PLEKHG4: variants seen among roughly 807,000 people sequenced by gnomAD.
PLEKHG4 encodes the protein pleckstrin homology and RhoGEF domain containing G4.
In PLEKHG4, 85 loss-of-function variants were observed where a neutral mutation model predicts 136.9. The observed-to-expected ratio is 0.62, with a 90% CI of 0.52 to 0.74. PLEKHG4 has a LOEUF of 0.74. PLEKHG4 is among the 30% of genes least tolerant of loss of function. The pLI is 0.00. For missense variants in PLEKHG4, 1,317 were observed against 1,527.8 expected (o/e 0.86, Z 2.30); for synonymous variants, 577 against 646.9 (o/e 0.89, Z 1.64).
At chr16:67,279,040 C>T (rs956717473), upstream of PLEKHG4, 5 of 152,408 alleles carry the variant, frequency 3.3e-5, no homozygotes, top group Admixed American at 2.0e-4. Flanking sequence ...CGAGGCAGCA[C>T]CCCGCTTCCC....
At position 67,284,485 on chromosome 16, in the gene PLEKHG4, T is replaced by C. The variant is rs756394958; in HGVS notation, c.1692+28T>C. ...GGGTGAGAGTCTCCCCAGCTCCAAG[T>C]GATCCATGAGGCCGGAGGGATGGCA... On this transcript the variant is annotated intron_variant, in intron 12 of 21. Coordinates refer to ENST00000379344, the MANE Select transcript of PLEKHG4 (RefSeq NM_001129729.3). This position sits in a 1 kb window ranked among gnomAD's most constrained non-coding sequence, Gnocchi z 4.4. The C allele has an allele frequency of 6.2e-6, 10 of 1,610,540 alleles. No homozygotes were observed. The highest frequency in any genetic ancestry group is 8.5e-6 in the Non-Finnish European group (10 of 1,177,304).
At position 67,288,264 on chromosome 16, in the gene PLEKHG4, C is replaced by G; in HGVS notation, c.3318C>G (p.Cys1106Trp). The G allele has an allele frequency of 1.2e-6, 2 of 1,613,690 alleles. No individual in the cohort carries two copies. Among genetic ancestry groups the G allele is most frequent in the South Asian group, 2.2e-5 (2 of 91,080 alleles). The change falls in exon 20 of 22, where the codon TGC (cysteine) becomes TGG (tryptophan). Residue 1106 changes from cysteine to tryptophan, a missense_variant. Physicochemically the swap from Cys to Trp is radical, Grantham distance 215 (BLOSUM62 -2). Transcript: ENST00000379344. ...SNSLPGDPAS[C>W]SVLGSLNLHL... ...CCCTTCCTGGAGACCCTGCCTCTTG[C>G]TCTGTTCTGGGGTCCCTCAACCTGC...
At position 67,286,620 on chromosome 16, in the gene PLEKHG4, G is replaced by A. The variant is rs745978157; in HGVS notation, c.2708G>A (p.Arg903Gln). The change falls in exon 16 of 22, where the codon CGG (arginine) becomes CAG (glutamine). Residue 903 changes from arginine to glutamine, a missense_variant. Physicochemically the swap from Arg to Gln is conservative, Grantham distance 43 (BLOSUM62 1). Coordinates refer to ENST00000379344, the MANE Select transcript of PLEKHG4 (RefSeq NM_001129729.3). ...EAQSLVHFQL[R>Q]HGNDLLAMDA... ...CAGAGCCTTGTGCACTTCCAGCTGC[G>A]GCACGGAAACGACCTGCTGGCCATG... 1.8e-5 allele frequency: 28 copies of A among 1,563,376 alleles called. No individual in the cohort carries two copies. In the South Asian group the frequency reaches 2.2e-4, roughly 12 times the overall value.
chr16:67,280,532 T>C lies in PLEKHG4; in HGVS notation c.488T>C (p.Leu163Pro), dbSNP rs1173594838. The C allele has an allele frequency of 3.1e-6, 5 of 1,612,686 alleles. No individual in the cohort carries two copies. Among genetic ancestry groups the C allele is most frequent in the Non-Finnish European group, 4.2e-6 (5 of 1,179,734 alleles). The change falls in exon 2 of 22, where the codon CTG (leucine) becomes CCG (proline). Residue 163 changes from leucine (L) to proline (P), a missense_variant. Transcript: ENST00000379344. This position sits in a 1 kb window ranked among gnomAD's most constrained non-coding sequence, Gnocchi z 4.4. ...GACCCTTTATCAGAAATATCAAAGC[T>C]GCTGGAGGCAGGTAAGGAAGGCTGG... Reference protein sequence around the residue: ...LGDPLSEISKLLEAAPSGSGL... With the variant: ...LGDPLSEISKPLEAAPSGSGL...
In PLEKHG4 at chr16:67,282,527, G is replaced by A. The variant is rs776384893; in HGVS notation, c.1278G>A (p.Glu426=). 6.2e-7 allele frequency: 1 copy of A among 1,614,144 alleles called. No homozygotes were observed. The highest frequency in any genetic ancestry group is 1.1e-5 in the South Asian group (1 of 91,090). Residue 426 remains glutamate, a synonymous_variant, in exon 10 of 22, where the codon GAG becomes GAA. Transcript: ENST00000379344. ...GGACGGCAATGGACAAGGCTGACGA[G>A]CTATATGACCGGGTGGATGGATTGC... The part of the protein sequence containing the change: ...DYRTAMDKAD[E]LYDRVDGLLH...
rs1219642008 is a variant in PLEKHG4 at position 67,280,493 on chromosome 16, C to CT, written c.450dup (p.Val151CysfsTer25). ...AGCCCTGGGGCATTGGACAGCGACCCTGTGGGCCTTGGAGACCCTTTATCA... is the reference window on the plus strand; with the variant it reads ...AGCCCTGGGGCATTGGACAGCGACCCTTGTGGGCCTTGGAGACCCTTTATCA... On this transcript the variant is annotated frameshift_variant, in exon 2 of 22. Coordinates refer to ENST00000379344, the MANE Select transcript of PLEKHG4 (RefSeq NM_001129729.3). LOFTEE classifies it high-confidence loss of function. The surrounding 1 kb of genome is among the most constrained non-coding windows in gnomAD (Gnocchi z 4.4). 1 of 1,608,488 alleles carries CT rather than the reference C, an allele frequency of 6.2e-7. No individual in the cohort carries two copies. The highest frequency in any genetic ancestry group is 1.1e-5 in the South Asian group (1 of 90,040).
chr16:67,286,522 C>T lies in PLEKHG4; in HGVS notation c.2610C>T (p.Tyr870=), dbSNP rs147947597. The part of the protein sequence containing the change: ...LLKPIQRMGK[Y]ALLLQELARA... ...AGCCCATCCAGCGCATGGGCAAGTA[C>T]GCACTGCTGCTGCAGGAGCTGGCAC... Residue 870 remains tyrosine, a synonymous_variant, in exon 16 of 22, where the codon TAC becomes TAT. Coordinates refer to ENST00000379344, the MANE Select transcript of PLEKHG4 (RefSeq NM_001129729.3). The T allele has an allele frequency of 5.7e-5, 90 of 1,586,638 alleles. 1 individual carries two copies. Among genetic ancestry groups the T allele is most frequent in the Middle Eastern group, 1.7e-4 (1 of 6,054 alleles).
chr16:67,287,067 G>A lies in PLEKHG4; in HGVS notation c.2993G>A (p.Arg998His), dbSNP rs756016586. ...CTGCGCTTCGAGATCTGGTTCCGCCGCCGCAAGGCCAGGGACACCTTTGTG... is the reference window on the plus strand; with the variant it reads ...CTGCGCTTCGAGATCTGGTTCCGCCACCGCAAGGCCAGGGACACCTTTGTG... ...SNLRFEIWFR[R>H]RKARDTFVLQ... Residue 998 changes from arginine (R) to histidine (H), a missense_variant, in exon 18 of 22, where the codon CGC (arginine) becomes CAC (histidine). Coordinates refer to ENST00000379344, the MANE Select transcript of PLEKHG4 (RefSeq NM_001129729.3). 15 of 1,613,172 alleles carry A rather than the reference G, an allele frequency of 9.3e-6. No individual in the cohort carries two copies. The highest frequency in any genetic ancestry group is 8.9e-5 in the East Asian group (4 of 44,892).
chr16:67,288,516 A>G lies in PLEKHG4; in HGVS notation c.3482A>G (p.Gln1161Arg), dbSNP rs1259282707. 3.1e-6 allele frequency: 5 copies of G among 1,613,982 alleles called. No individual in the cohort carries two copies. The East Asian group carries it at 1.1e-4, about 36-fold the overall frequency. The change falls in exon 21 of 22, where the codon CAA (glutamine) becomes CGA (arginine). Residue 1161 changes from glutamine to arginine, a missense_variant. Coordinates refer to ENST00000379344, the MANE Select transcript of PLEKHG4 (RefSeq NM_001129729.3). ...GCTGAGGACTCAGAGATCTCGTCCCAATGCCCATCAGCCAGTGGCTCCAGT... is the reference window on the plus strand; with the variant it reads ...GCTGAGGACTCAGAGATCTCGTCCCGATGCCCATCAGCCAGTGGCTCCAGT... ...LTAEDSEISSQCPSASGSSGS... is the reference protein window; with the variant it reads ...LTAEDSEISSRCPSASGSSGS...
At position 67,286,838 on chromosome 16, in the gene PLEKHG4, T is replaced by A; in HGVS notation, c.2844T>A (p.Leu948=). Residue 948 remains leucine (L), a synonymous_variant, in exon 17 of 22, where the codon CTT becomes CTA. Transcript: ENST00000379344. ...GRHKSVRRIF[L]FEELLLFSKP... ...ACAAGTCCGTGCGCCGCATCTTCCT[T>A]TTTGAGGAGCTGCTGCTCTTCAGCA... 1 of 1,614,094 alleles carries A rather than the reference T, an allele frequency of 6.2e-7. No homozygotes were observed. Among genetic ancestry groups the A allele is most frequent in the Non-Finnish European group, 8.5e-7 (1 of 1,179,946 alleles).
Position 67,288,246 on chromosome 16 carries a change from T to C in PLEKHG4, c.3300T>C (p.Pro1100=). 1.2e-6 allele frequency: 2 copies of C among 1,613,922 alleles called. No homozygotes were observed. Among genetic ancestry groups the C allele is most frequent in the South Asian group, 2.2e-5 (2 of 91,084 alleles). ...SLYLGASNSL[P]GDPASCSVLG... ...ACCTGGGGGCCTCGAACTCCCTTCC[T>C]GGAGACCCTGCCTCTTGCTCTGTTC... Residue 1100 remains proline, a synonymous_variant, in exon 20 of 22, where the codon CCT becomes CCC. Coordinates refer to ENST00000379344, the MANE Select transcript of PLEKHG4 (RefSeq NM_001129729.3).
chr16:67,280,581 T>G lies in PLEKHG4; in HGVS notation c.499+38T>G, dbSNP rs201932856. On this transcript the variant is annotated intron_variant, in intron 2 of 21. Transcript: ENST00000379344. The surrounding 1 kb of genome is among the most constrained non-coding windows in gnomAD (Gnocchi z 4.4). Reference sequence around the variant, plus strand: ...GGGCTAGGGAAGTCTGGGAAGGGAATGGGGATGCCTGGAGAGATGAGTGTC... The same window carrying G: ...GGGCTAGGGAAGTCTGGGAAGGGAAGGGGGATGCCTGGAGAGATGAGTGTC... 1 of 1,612,960 alleles carries G rather than the reference T, an allele frequency of 6.2e-7. No individual in the cohort carries two copies. The highest frequency in any genetic ancestry group is 1.1e-5 in the South Asian group (1 of 91,058).
Position 67,282,506 on chromosome 16 carries a change from G to C in PLEKHG4, c.1257G>C (p.Thr419=). 1 of 1,614,086 alleles carries C rather than the reference G, an allele frequency of 6.2e-7. No homozygotes were observed. The highest frequency in any genetic ancestry group is 8.5e-7 in the Non-Finnish European group (1 of 1,180,034). ...AAGATGGTATACCCTACACCAGGAC[G>C]GCAATGGACAAGGCTGACGAGCTAT... is the stretch of plus-strand genomic sequence containing the variant. ...PEVTLSPDYR[T]AMDKADELYD... Residue 419 remains threonine (T), a synonymous_variant, in exon 10 of 22, where the codon ACG becomes ACC. Transcript: ENST00000379344.
At position 67,285,137 on chromosome 16, in the gene PLEKHG4, A is replaced by T. The variant is rs776445840; in HGVS notation, c.2117A>T (p.Glu706Val). ...AATIAACRRP[E>V]AGGGALPQAS... ...ACTATTGCTGCCTGCCGCAGACCAG[A>T]GGCTGGAGGAGGTGCCCTGCCCCAG... Residue 706 changes from glutamate (E) to valine (V), a missense_variant, in exon 13 of 22, where the codon GAG becomes GTG. Coordinates refer to ENST00000379344, the MANE Select transcript of PLEKHG4 (RefSeq NM_001129729.3). 139 of 1,613,286 alleles carry T rather than the reference A, an allele frequency of 8.6e-5. No individual in the cohort carries two copies. Among genetic ancestry groups the T allele is most frequent in the Admixed American group, 2.8e-4 (17 of 60,002 alleles).
At chr16:67,287,306 G>C (rs1382303954) in intron 18 of PLEKHG4, 129 bp downstream of exon 18, 1 of 944,950 alleles carries the variant, frequency 1.1e-6, no homozygotes, top group South Asian at 1.4e-5. Flanking sequence ...ACCAGTGCAG[G>C]AGAAAGGATT....
In PLEKHG4 at chr16:67,280,704, T is replaced by C; in HGVS notation, c.500-7T>C. 1 of 1,614,062 alleles carries C rather than the reference T, an allele frequency of 6.2e-7. No individual in the cohort carries two copies. The highest frequency in any genetic ancestry group is 1.3e-5 in the African/African-American group (1 of 75,050). ...CAAGGCAGACCCAAGTCATTTCCCTTCCCAAGCCCCCAGTGGATCCGGCCT... is the reference window on the plus strand; with the variant it reads ...CAAGGCAGACCCAAGTCATTTCCCTCCCCAAGCCCCCAGTGGATCCGGCCT... On this transcript the variant is annotated splice_polypyrimidine_tract_variant and splice_region_variant and intron_variant, in intron 2 of 21. Transcript: ENST00000379344. The surrounding 1 kb of genome is among the most constrained non-coding windows in gnomAD (Gnocchi z 4.4).
In PLEKHG4 at chr16:67,287,195, C is replaced by G; in HGVS notation, c.3103+18C>G. 2 of 1,601,710 alleles carry G rather than the reference C, an allele frequency of 1.2e-6. No homozygotes were observed. Among genetic ancestry groups the G allele is most frequent in the Non-Finnish European group, 1.7e-6 (2 of 1,178,720 alleles). ...CAACAAGGGTGGGTCCATGCCCCTC[C>G]TTCACGCCACACTCCCCTCACTGGA... On this transcript the variant is annotated intron_variant, in intron 18 of 21. Transcript: ENST00000379344.
At chr16:67,281,438 G>C (rs2036220475) in intron 5 of PLEKHG4, 129 bp from the exon 6 acceptor site, 4 of 809,460 alleles carry the variant, frequency 4.9e-6, no homozygotes, top group African/African-American at 3.4e-5. Context: ...TGTTGCCCAG[G>C]CTGATCTCGA....
At chr16:67,285,688 G>T in intron 14 of PLEKHG4, 152 bp downstream of exon 14, 1 of 844,276 alleles carries the variant, frequency 1.2e-6, no homozygotes, top group Non-Finnish European at 1.9e-6. Context: ...TAGTCCAGTA[G>T]AGGAGACATA....
Sources: gnomAD v4.1 joint callset for allele counts on GRCh38, gnomAD v4.1.1 for gene constraint, Gnocchi (gnomAD v3.1) non-coding constraint, MANE v1.5 for transcripts, NCBI Gene and HGNC (gene_info 2026-07-23, HGNC 2026-07-21) for gene names.